Variants in SLC12A7 observed in about 807,000 individuals in gnomAD.
The protein encoded by SLC12A7 is solute carrier family 12 member 7, also known as K-Cl cotransporter 4.
Under a neutral mutation model 120.6 loss-of-function variants are expected in SLC12A7, and 100 were observed. The ratio of observed to expected loss-of-function variants is 0.83; its 90% CI spans 0.71 to 0.98. The LOEUF (loss-of-function observed/expected upper bound fraction) is 0.98, where lower values mean the gene tolerates loss of function less well. SLC12A7 is among the 50% of genes least tolerant of loss of function. The probability of loss-of-function intolerance (pLI) is 0.00; values close to 1 mark genes in which losing one functional copy is unlikely to be tolerated. For missense variants in SLC12A7, 1,373 were observed against 1,548.1 expected, an observed-to-expected ratio of 0.89 and a Z score of 1.90; for synonymous variants, 760 against 678.0, an observed-to-expected ratio of 1.12 and a Z score of -1.88.
chr5:1,107,006 C>T (rs1159638988), intron 1 of SLC12A7, among the ~76,000 whole-genome samples: 1 of 152,144 alleles, frequency 6.6e-6, no homozygotes, highest in Non-Finnish European at 1.5e-5. Context: ...CTGACTGTGT[C>T]GAAGGTAAAT....
chr5:1,114,401 C>T (rs925381494), upstream of SLC12A7, among the ~76,000 whole-genome samples: 2 of 152,200 alleles, frequency 1.3e-5, no homozygotes, highest in African/African-American at 2.4e-5. Context: ...GACAGAGACC[C>T]TTGCCGGAGC....
the SLC12A7 span, among the ~76,000 whole-genome samples, chr5:1,121,130 G>A: frequency 3.9e-5 from 6 of 152,154 alleles, no homozygotes; most frequent in Non-Finnish European, 5.9e-5. Context: ...GCACGTCCCC[G>A]CATCCCTCAT....
At chr5:1,134,324 G>T in the SLC12A7 span, among the ~76,000 whole-genome samples, 1 of 152,032 alleles carries the variant, frequency 6.6e-6, no homozygotes, top group Non-Finnish European at 1.5e-5. Flanking sequence ...ACAAAAATCA[G>T]CCGGGTGTGG....
At chr5:1,096,664 G>A (rs1284730741) in intron 1 of SLC12A7, among the ~76,000 whole-genome samples, 2 of 138,540 alleles carry the variant, frequency 1.4e-5, no homozygotes, top group Non-Finnish European at 3.1e-5. Context: ...TTAGAGGGAG[G>A]GAGGGAAGGA....
intron 1 of SLC12A7, among the ~76,000 whole-genome samples, chr5:1,095,005 T>TCGGTAGGAGGCGGGGGGC (rs1740953126): frequency 1.6e-4 from 15 of 91,908 alleles, no homozygotes; most frequent in Admixed American, 5.2e-4. Context: ...GAAGATAGGG[T>TCGGTAGGAGGCGGGGGGC]CGGTAGGAGG....
At chr5:1,128,113 G>A in the SLC12A7 span, among the ~76,000 whole-genome samples, 4 of 152,236 alleles carry the variant, frequency 2.6e-5, no homozygotes, top group Non-Finnish European at 4.4e-5. Context: ...TGAGGAAACA[G>A]ATCTCATCCT....
In SLC12A7 at chr5:1,077,815, C is replaced by T. The variant is rs376891973; in HGVS notation, c.1629+18G>A. On this transcript the variant is annotated intron_variant, in intron 12 of 23. Transcript: ENST00000264930. ...CCCTGACCTTCCAGGGTCCCCCCGA[C>T]GAGGGTGCGGGACTCACCTGCAGGA... The T allele has an allele frequency of 4.6e-5, 71 of 1,557,470 alleles. No individual in the cohort carries two copies. The highest frequency in any genetic ancestry group is 3.7e-4 in the Middle Eastern group (2 of 5,406).
intron 1 of SLC12A7, among the ~76,000 whole-genome samples, chr5:1,108,186 C>T (rs779804973): frequency 4.6e-5 from 7 of 152,224 alleles, no homozygotes; most frequent in Non-Finnish European, 7.3e-5. Flanking sequence ...CATAGGTGCC[C>T]GCACACATGG....
rs558278916 is a variant in SLC12A7, at chr5:1,080,976, A to G, written c.1297+601T>C. On this transcript the variant is annotated intron_variant, in intron 9 of 23. Transcript: ENST00000264930. ...GGCAAGATAAGCAGGGGCAGGAAGG[A>G]ACACACTACAGAGAGAGAGACAGAG... 4.3e-5 allele frequency among the ~76,000 whole-genome samples: 6 copies of G among 139,376 alleles called. No individual in the cohort carries two copies. In the South Asian group the frequency reaches 1.4e-3, roughly 32 times the overall value. 91.4% of individuals were successfully genotyped at this position (139,376 alleles called of 152,430 possible). A position where few individuals can be genotyped will look rare whatever the true frequency, so the allele number is the denominator to read the frequency against.
intron 9 of SLC12A7, among the ~76,000 whole-genome samples, chr5:1,080,772 G>C (rs1377111671): frequency 6.6e-6 from 1 of 152,350 alleles, no homozygotes; most frequent in Non-Finnish European, 1.5e-5. Context: ...GAGGTCCCCG[G>C]CCTCTGAGCT....
intron 1 of SLC12A7, among the ~76,000 whole-genome samples, chr5:1,099,362 G>C (rs911615897): frequency 6.6e-6 from 1 of 151,706 alleles, no homozygotes; most frequent in South Asian, 2.1e-4. Flanking sequence ...ACCCAGCCCC[G>C]ACCCAGTCCA....
intron 16 of SLC12A7, among the ~76,000 whole-genome samples, chr5:1,074,075 CAGG>C (rs1738037959): frequency 6.6e-6 from 1 of 152,054 alleles, no homozygotes. Context: ...CCAGGCAGGA[CAGG>C]AGAACAGGTA....
intron 1 of SLC12A7, among the ~76,000 whole-genome samples, chr5:1,104,872 G>A (rs556163066): frequency 6.6e-6 from 1 of 152,338 alleles, no homozygotes; most frequent in East Asian, 1.9e-4. Context: ...ACAGCCCAGG[G>A]CCGCAAGCAC....
At chr5:1,152,234 T>G in the SLC12A7 span, among the ~76,000 whole-genome samples, 1 of 152,160 alleles carries the variant, frequency 6.6e-6, no homozygotes, top group East Asian at 1.9e-4. Flanking sequence ...ATCTCCCCTC[T>G]GCCCTGCACA....
chr5:1,139,221 C>T, the SLC12A7 span, among the ~76,000 whole-genome samples: 1 of 152,250 alleles, frequency 6.6e-6, no homozygotes. Flanking sequence ...AGTGTGAGCC[C>T]TTGGCCTCCA....
chr5:1,144,857 C>T, the SLC12A7 span, among the ~76,000 whole-genome samples: 5 of 152,216 alleles, frequency 3.3e-5, no homozygotes, highest in African/African-American at 9.6e-5. Flanking sequence ...CACAGGCCTC[C>T]GAGCGGCAGA....
intron 20 of SLC12A7, among the ~76,000 whole-genome samples, chr5:1,062,419 C>A (rs1465648052): frequency 3.9e-5 from 6 of 152,254 alleles, no homozygotes; most frequent in African/African-American, 1.4e-4. Context: ...CCCGAAGACA[C>A]AGCCACATGG....
At chr5:1,128,432 G>A in the SLC12A7 span, among the ~76,000 whole-genome samples, 1 of 152,234 alleles carries the variant, frequency 6.6e-6, no homozygotes, top group African/African-American at 2.4e-5. Flanking sequence ...CATCTCACGC[G>A]GACCCAGTGA....
intron 7 of SLC12A7, among the ~76,000 whole-genome samples, chr5:1,084,190 C>T (rs116774563): frequency 0.023 from 3,488 of 150,754 alleles, 133 homozygotes; most frequent in African/African-American, 0.083. Flanking sequence ...GACCAGGGAC[C>T]GGGGACCAGG....
Sources: gnomAD v4.1 joint callset for allele counts (sites outside exome capture counted in the v4.1 genomes callset) on GRCh38, gnomAD v4.1.1 for gene constraint, MANE v1.5 for transcripts, NCBI Gene and HGNC (gene_info 2026-07-23, HGNC 2026-07-21) for gene names.